Variants in ARL14EP observed in about 807,000 individuals in gnomAD.
ARL14EP encodes the protein ARL14 effector protein.
ARL14EP carries 12 observed loss-of-function variants against 23.1 expected under a neutral mutation model. The ratio of observed to expected loss-of-function variants is 0.52; its 90% confidence interval spans 0.33 to 0.84. The LOEUF is 0.84. Ranked by LOEUF, ARL14EP falls within the 40% of genes least tolerant of loss-of-function variation. ARL14EP has a pLI of 0.02. For missense variants in ARL14EP, 253 were observed against 307.3 expected (o/e 0.82, Z 1.32); for synonymous variants, 97 against 102.0 (o/e 0.95, Z 0.29).
chr11:30,325,606 A>G (rs764902805), intron 1 of ARL14EP, among the ~76,000 whole-genome samples: 1 of 152,208 alleles, frequency 6.6e-6, no homozygotes, highest in Non-Finnish European at 1.5e-5. Flanking sequence ...TTGTTATCCT[A>G]TAAGAAGCTG....
Position 30,337,429 on chromosome 11 carries a change from A to G in ARL14EP, c.*634A>G, listed in dbSNP as rs1947342548. On this transcript the variant is annotated 3_prime_UTR_variant, in exon 4 of 4. Coordinates refer to ENST00000282032, the MANE Select transcript of ARL14EP (RefSeq NM_152316.3). ...TCGAAAGAACTGGTCAACAAAGATG[A>G]AAGTGCAGCAAAGCAATGAAAAATG... is the stretch of plus-strand genomic sequence containing the variant. 6.6e-6 allele frequency: 1 copy of G among 152,426 alleles called. No homozygotes were observed. The highest frequency in any genetic ancestry group is 2.4e-5 in the African/African-American group (1 of 41,470). 9.4% of individuals were successfully genotyped at this position (152,426 alleles called of 1,614,324 possible). A position where few individuals can be genotyped will look rare whatever the true frequency, so the allele number is the denominator to read the frequency against.
At chr11:30,333,777 A>G (rs1012253645) in intron 3 of ARL14EP, among the ~76,000 whole-genome samples, 2 of 152,226 alleles carry the variant, frequency 1.3e-5, no homozygotes, top group African/African-American at 4.8e-5. Context: ...GCTTGGGAGT[A>G]AGGCACGTCA....
rs981658227 is a variant in ARL14EP at position 30,331,338 on chromosome 11, T to C, written c.390T>C (p.Asp130=). Residue 130 remains aspartate, a synonymous_variant, in exon 2 of 4, where the codon GAT becomes GAC. Transcript: ENST00000282032. The part of the protein sequence containing the change: ...TQIINGSVDV[D]TEDRQKRKPE... ...TAATCAATGGAAGTGTGGATGTTGATACTGAAGACCGCCAGAAAAGGAAAC... is the reference window on the plus strand; with the variant it reads ...TAATCAATGGAAGTGTGGATGTTGACACTGAAGACCGCCAGAAAAGGAAAC... 11 of 1,613,982 alleles carry C rather than the reference T, an allele frequency of 6.8e-6. No individual in the cohort carries two copies. The East Asian group carries it at 2.5e-4, about 36-fold the overall frequency.
intron 1 of ARL14EP, among the ~76,000 whole-genome samples, chr11:30,326,872 G>A (rs1947239020): frequency 6.6e-6 from 1 of 152,164 alleles, no homozygotes; most frequent in South Asian, 2.1e-4. Flanking sequence ...TTAGTTTGCC[G>A]CTGAATTTTA....
chr11:30,337,007 C>T lies in ARL14EP; in HGVS notation c.*212C>T, dbSNP rs553057298. Reference sequence around the variant, plus strand: ...TAGTCAGCGTTAAGCCTGTCTGGATCAATATAAACAAGTAGGGTGTAGGCA... The same window carrying T: ...TAGTCAGCGTTAAGCCTGTCTGGATTAATATAAACAAGTAGGGTGTAGGCA... On this transcript the variant is annotated 3_prime_UTR_variant, in exon 4 of 4. Coordinates refer to ENST00000282032, the MANE Select transcript of ARL14EP (RefSeq NM_152316.3). The T allele has an allele frequency of 1.8e-4, 102 of 565,772 alleles. No individual in the cohort carries two copies. The Admixed American group carries it at 3.0e-3, about 17-fold the overall frequency. The allele number at this position is 565,772 out of a possible 1,614,324, so 35.0% of individuals were successfully genotyped here. A position where few individuals can be genotyped will look rare whatever the true frequency, so the allele number is the denominator to read the frequency against.
intron 1 of ARL14EP, among the ~76,000 whole-genome samples, chr11:30,324,707 T>C (rs1398023634): frequency 6.6e-6 from 1 of 152,206 alleles, no homozygotes; most frequent in Non-Finnish European, 1.5e-5. Context: ...GCTTAAGAAC[T>C]CTTTAAAACT....
Position 30,332,049 on chromosome 11 carries a change from C to A in ARL14EP, c.426+675C>A, listed in dbSNP as rs1010181641. Among the ~76,000 whole-genome samples, 3 of 151,892 alleles carry A rather than the reference C, an allele frequency of 2.0e-5. No homozygotes were observed. The East Asian group carries it at 5.8e-4, about 29-fold the overall frequency. ...ACATGCATATTTAACCATATCAGAA[C>A]AACTTAAGTTTTCATAAAGCTATCT... On this transcript the variant is annotated intron_variant, in intron 2 of 3. Coordinates refer to ENST00000282032, the MANE Select transcript of ARL14EP (RefSeq NM_152316.3).
intron 1 of ARL14EP, chr11:30,329,963 A>G (rs912658788): frequency 1.3e-5 from 2 of 151,822 alleles, no homozygotes; most frequent in Admixed American, 6.6e-5. Context: ...AAATTCTTCC[A>G]TACTTCCATG....
At chr11:30,331,456 A>T in intron 2 of ARL14EP, 82 bp downstream of exon 2, 1 of 1,587,696 alleles carries the variant, frequency 6.3e-7, no homozygotes, top group Admixed American at 1.7e-5. Flanking sequence ...TCATATTTAC[A>T]TTATTACTAA....
intron 1 of ARL14EP, among the ~76,000 whole-genome samples, chr11:30,325,084 T>C (rs545277289): frequency 6.6e-6 from 1 of 152,288 alleles, no homozygotes; most frequent in South Asian, 2.1e-4. Context: ...TTGCAATGGG[T>C]AGAACCAAAA....
chr11:30,330,676 T>C (rs1227387045), intron 1 of ARL14EP: 1 of 388,100 alleles, frequency 2.6e-6, no homozygotes, highest in East Asian at 5.3e-5. Flanking sequence ...TGGTCTTAAA[T>C]ATAATCTGTA....
At chr11:30,326,162 AGAT>A (rs1296267686) in intron 1 of ARL14EP, among the ~76,000 whole-genome samples, 1 of 152,188 alleles carries the variant, frequency 6.6e-6, no homozygotes, top group Non-Finnish European at 1.5e-5. Context: ...AAAATATAGA[AGAT>A]ATCAAAACAT....
chr11:30,323,496 G>T (rs943296916), intron 1 of ARL14EP, among the ~76,000 whole-genome samples: 3 of 152,232 alleles, frequency 2.0e-5, no homozygotes, highest in Admixed American at 2.0e-4. Flanking sequence ...CTACGATTTT[G>T]ACGTGAACTA....
Position 30,336,891 on chromosome 11 carries a change from A to AT in ARL14EP, c.*100dup. On this transcript the variant is annotated 3_prime_UTR_variant, in exon 4 of 4. Transcript: ENST00000282032. ...TAAGCTTGATTATCATATGACAAAGATTTTAAAACCATCTCAGTGTGCCCT... is the reference window on the plus strand; with the variant it reads ...TAAGCTTGATTATCATATGACAAAGATTTTTAAAACCATCTCAGTGTGCCCT... 8.5e-7 allele frequency: 1 copy of AT among 1,174,064 alleles called. No individual in the cohort carries two copies. The highest frequency in any genetic ancestry group is 1.2e-6 in the Non-Finnish European group (1 of 806,648). 72.7% of individuals were successfully genotyped at this position (1,174,064 alleles called of 1,614,324 possible).
At position 30,325,817 on chromosome 11, in the gene ARL14EP, C is replaced by T. The variant is rs560414758; in HGVS notation, c.-64+2615C>T. Among the ~76,000 whole-genome samples, 11 of 152,326 alleles carry T rather than the reference C, an allele frequency of 7.2e-5. No homozygotes were observed. In the South Asian group the frequency reaches 2.3e-3, roughly 32 times the overall value. ...GTGCAAGTGAGGGCAAAATTGGCTGCTTCCACAGTCAGACGGAAGTCCATT... is the reference window on the plus strand; with the variant it reads ...GTGCAAGTGAGGGCAAAATTGGCTGTTTCCACAGTCAGACGGAAGTCCATT... On this transcript the variant is annotated intron_variant, in intron 1 of 3. Coordinates refer to ENST00000282032, the MANE Select transcript of ARL14EP (RefSeq NM_152316.3).
At chr11:30,331,551 T>C (rs1278377866) in intron 2 of ARL14EP, 177 bp downstream of exon 2, 33 of 1,440,576 alleles carry the variant, frequency 2.3e-5, no homozygotes, top group South Asian at 7.6e-5. Context: ...AAGGTCAAGA[T>C]TGGGGGATAA....
chr11:30,334,973 A>C (rs1263434291), intron 3 of ARL14EP, among the ~76,000 whole-genome samples: 1 of 152,192 alleles, frequency 6.6e-6, no homozygotes, highest in Non-Finnish European at 1.5e-5. Context: ...TCTGTTATTT[A>C]AGAAATACGT....
chr11:30,326,042 A>G (rs2133644159), intron 1 of ARL14EP, among the ~76,000 whole-genome samples: 1 of 152,264 alleles, frequency 6.6e-6, no homozygotes, highest in South Asian at 2.1e-4. Context: ...CTCTGTCCTT[A>G]GTGTATCGAA....
At chr11:30,330,800 A>G (rs1947276021) in intron 1 of ARL14EP, 86 bp from the exon 2 acceptor site, 29 of 697,220 alleles carry the variant, frequency 4.2e-5, no homozygotes. Flanking sequence ...TTTCTTTTAG[A>G]TAGGTGTTGA....
Sources: allele counts gnomAD v4.1 joint callset (sites outside exome capture counted in the v4.1 genomes callset), GRCh38; gene constraint gnomAD v4.1.1; transcripts MANE v1.5; gene names NCBI Gene and HGNC (gene_info 2026-07-23, HGNC 2026-07-21).